KLF12: variants seen among roughly 807,000 people sequenced by gnomAD.
KLF12 encodes Krueppel-like factor 12.
In KLF12, 9 loss-of-function variants were observed where a neutral mutation model predicts 37.8. That is an observed-to-expected ratio of 0.24 (90% CI 0.14 to 0.42). The LOEUF (loss-of-function observed/expected upper bound fraction) is 0.42, where lower values mean the gene tolerates loss of function less well. Ranked by LOEUF, KLF12 falls within the 10% of genes least tolerant of loss-of-function variation. The pLI, the probability that KLF12 is intolerant of heterozygous loss-of-function variation, is 1.00. For synonymous variants in KLF12, 208 were observed against 202.1 expected (o/e 1.03, Z -0.25); for missense variants, 411 against 516.0 (o/e 0.80, Z 1.97).
chr13:73,868,331 G>C lies in KLF12; in HGVS notation c.124-21958C>G, dbSNP rs796682982. Among the ~76,000 whole-genome samples the C allele has an allele frequency of 4.7e-3, 628 of 133,200 alleles. 40 individuals are homozygous for C. The highest frequency in any genetic ancestry group is 0.034 in the Admixed American group (451 of 13,076). The allele number at this position is 133,200 out of a possible 152,430, so 87.4% of individuals were successfully genotyped here. ...AAAGAAAAAAGGCGGGGGCGGTGGG[G>C]GGGGGGGGTGATTTCAGTACAAAGC... On this transcript the variant is annotated intron_variant, in intron 3 of 7. Transcript: ENST00000377669.
the KLF12 span, among the ~76,000 whole-genome samples, chr13:74,275,598 T>G: frequency 6.6e-6 from 1 of 152,162 alleles, no homozygotes; most frequent in Non-Finnish European, 1.5e-5. Flanking sequence ...TTAATTATTG[T>G]ATCTTAAAAT....
At chr13:74,227,924 C>A in the KLF12 span, among the ~76,000 whole-genome samples, 1 of 152,094 alleles carries the variant, frequency 6.6e-6, no homozygotes, top group East Asian at 1.9e-4. Context: ...TAGTTTTTCT[C>A]TTTGGTAGAA....
intron 6 of KLF12, among the ~76,000 whole-genome samples, chr13:73,729,554 A>G (rs2137794294): frequency 6.6e-6 from 1 of 152,320 alleles, no homozygotes; most frequent in East Asian, 1.9e-4. Flanking sequence ...TAAATCTGAG[A>G]GCTCTTGTCT....
chr13:73,904,731 G>T (rs975746478), intron 3 of KLF12, among the ~76,000 whole-genome samples: 2 of 152,066 alleles, frequency 1.3e-5, no homozygotes, highest in African/African-American at 4.8e-5. Flanking sequence ...AGTTACAACT[G>T]TAACTCCCAG....
intron 3 of KLF12, among the ~76,000 whole-genome samples, chr13:73,876,426 T>C (rs925285645): frequency 5.3e-5 from 8 of 152,220 alleles, no homozygotes; most frequent in South Asian, 2.1e-4. Context: ...ATCAGGTCCA[T>C]TGGGACAATC....
At chr13:74,125,466 C>G (rs944850162) in intron 1 of KLF12, among the ~76,000 whole-genome samples, 1 of 152,136 alleles carries the variant, frequency 6.6e-6, no homozygotes, top group Non-Finnish European at 1.5e-5. Flanking sequence ...ATATAAGGGT[C>G]TATAGATGTA....
At chr13:74,287,444 T>G in the KLF12 span, among the ~76,000 whole-genome samples, 5 of 150,124 alleles carry the variant, frequency 3.3e-5, no homozygotes, top group East Asian at 9.9e-4. Context: ...CTAAGCTGCT[T>G]CTTTGTCTGA....
At chr13:73,750,522 T>C (rs1224863688) in intron 6 of KLF12, among the ~76,000 whole-genome samples, 1 of 152,056 alleles carries the variant, frequency 6.6e-6, no homozygotes, top group Non-Finnish European at 1.5e-5. Context: ...ACAAATACAG[T>C]AAATCATGAT....
At chr13:74,172,315 CA>C in the KLF12 span, among the ~76,000 whole-genome samples, 6 of 150,398 alleles carry the variant, frequency 4.0e-5, no homozygotes, top group Admixed American at 6.6e-5. Context: ...TTGAATAGCA[CA>C]AAAAAACCCT....
intron 1 of KLF12, among the ~76,000 whole-genome samples, chr13:74,093,678 T>TA (rs1404069156): frequency 6.6e-6 from 1 of 151,436 alleles, no homozygotes; most frequent in African/African-American, 2.4e-5. Flanking sequence ...TAATCACATT[T>TA]AAAAAGAAAA....
At chr13:73,852,113 C>CT (rs1239800065) in intron 3 of KLF12, among the ~76,000 whole-genome samples, 1 of 152,118 alleles carries the variant, frequency 6.6e-6, no homozygotes, top group African/African-American at 2.4e-5. Context: ...TTCCTCTATT[C>CT]TTTTGTATTA....
At chr13:74,012,318 G>A (rs1257810150) in intron 1 of KLF12, among the ~76,000 whole-genome samples, 1 of 152,180 alleles carries the variant, frequency 6.6e-6, no homozygotes, top group Non-Finnish European at 1.5e-5. Context: ...CTGAATGGAA[G>A]TGTCAAGAGC....
chr13:74,061,224 T>C (rs527425737), intron 1 of KLF12, among the ~76,000 whole-genome samples: 1 of 152,214 alleles, frequency 6.6e-6, no homozygotes, highest in African/African-American at 2.4e-5. Context: ...AATAAGGTCA[T>C]CTTATAAATG....
intron 4 of KLF12, among the ~76,000 whole-genome samples, chr13:73,815,908 ATTATG>A (rs959931532): frequency 2.0e-5 from 3 of 152,174 alleles, no homozygotes; most frequent in African/African-American, 7.2e-5. Flanking sequence ...TGATCATCTA[ATTATG>A]TTATGTTTGT....
At chr13:73,735,025 C>T (rs1594024915) in intron 6 of KLF12, among the ~76,000 whole-genome samples, 1 of 150,746 alleles carries the variant, frequency 6.6e-6, no homozygotes, top group East Asian at 2.0e-4. Context: ...TAGTGACTTA[C>T]ACCTGTAATC....
chr13:73,705,839 G>C lies in KLF12; in HGVS notation c.1027+9529C>G, dbSNP rs183014997. 5.9e-5 allele frequency among the ~76,000 whole-genome samples: 9 copies of C among 152,256 alleles called. No homozygotes were observed. In the East Asian group the frequency reaches 1.7e-3, roughly 29 times the overall value. ...AAGCCAGAAGCAAAGGAAGGAGAAT[G>C]ATGTCACAAAGACACGATAAAGATC... is the stretch of plus-strand genomic sequence containing the variant. On this transcript the variant is annotated intron_variant, in intron 7 of 7. Coordinates refer to ENST00000377669, the MANE Select transcript of KLF12 (RefSeq NM_007249.5).
intron 2 of KLF12, among the ~76,000 whole-genome samples, chr13:73,994,110 C>A (rs1410647249): frequency 2.0e-5 from 3 of 152,142 alleles, no homozygotes; most frequent in Non-Finnish European, 2.9e-5. Flanking sequence ...TGGAAGAAGG[C>A]AATTTAAGTG....
chr13:73,738,090 T>TAC (rs1157277218), intron 6 of KLF12, among the ~76,000 whole-genome samples: 3 of 108,364 alleles, frequency 2.8e-5, no homozygotes, highest in Admixed American at 2.4e-4. Flanking sequence ...TATGTATGTG[T>TAC]ACATATATAT....
At chr13:73,975,888 C>A (rs556161862) in intron 2 of KLF12, among the ~76,000 whole-genome samples, 1 of 152,248 alleles carries the variant, frequency 6.6e-6, no homozygotes, top group Admixed American at 6.5e-5. Context: ...GAACCCCAAC[C>A]CCAACCAAAT....
Sources: allele counts gnomAD v4.1 joint callset (sites outside exome capture counted in the v4.1 genomes callset), GRCh38; gene constraint gnomAD v4.1.1; transcripts MANE v1.5; gene names NCBI Gene and HGNC (gene_info 2026-07-23, HGNC 2026-07-21).